The following HOGA1 variants were observed in gnomAD, a reference collection of about 807,000 sequenced individuals.
HOGA1 encodes 4-hydroxy-2-oxoglutarate aldolase 1, also known as 4-hydroxy-2-oxoglutarate aldolase, mitochondrial.
Under a neutral mutation model 34.3 loss-of-function variants are expected in HOGA1, and 30 were observed. The ratio of observed to expected loss-of-function variants is 0.87; its 90% confidence interval spans 0.65 to 1.19. The LOEUF is 1.19. Ranked by LOEUF, HOGA1 falls within the 50% of genes most tolerant of loss-of-function variation. The pLI is 0.00. For synonymous variants in HOGA1, 161 were observed against 174.0 expected, an observed-to-expected ratio of 0.93 and a Z score of 0.59; for missense variants, 417 against 436.5, an observed-to-expected ratio of 0.96 and a Z score of 0.40.
At chr10:97,606,472 G>C (rs2041159230) in intron 6 of HOGA1, among the ~76,000 whole-genome samples, 1 of 151,988 alleles carries the variant, frequency 6.6e-6, no homozygotes, top group Non-Finnish European at 1.5e-5. Flanking sequence ...TTCCCTAATG[G>C]ATATTCACTT....
In HOGA1 at chr10:97,598,872, C is replaced by T. The variant is rs772566254; in HGVS notation, c.309C>T (p.Asn103=). The change falls in exon 2 of 7, where the codon AAC becomes AAT. Residue 103 remains asparagine, a synonymous_variant. Coordinates refer to ENST00000370646, the MANE Select transcript of HOGA1 (RefSeq NM_138413.4). ...VSRVRQAMPK[N]RLLLAGSGCE... is the part of the protein sequence containing the mutation. The stretch of plus-strand genomic sequence containing the variant: ...GTGTGCGCCAGGCCATGCCCAAGAA[C>T]AGGCTCCTGCTAGCTGGCTCCGGAT... 42 of 1,614,054 alleles carry T rather than the reference C, an allele frequency of 2.6e-5. No homozygotes were observed. The highest frequency in any genetic ancestry group is 1.3e-4 in the Admixed American group (8 of 60,004).
intron 1 of HOGA1, chr10:97,590,289 C>T (rs1353941306): frequency 6.2e-7 from 1 of 1,613,724 alleles, no homozygotes; most frequent in Non-Finnish European, 8.5e-7. Context: ...GCTGCCTGCA[C>T]CAAGGAGATT....
chr10:97,585,565 T>G (rs2040963373), intron 1 of HOGA1, among the ~76,000 whole-genome samples: 1 of 152,200 alleles, frequency 6.6e-6, no homozygotes, highest in Non-Finnish European at 1.5e-5. Context: ...CATTCCTTAC[T>G]GCACAATCCC....
At chr10:97,591,616 T>A (rs1372739724) in intron 1 of HOGA1, among the ~76,000 whole-genome samples, 1 of 151,892 alleles carries the variant, frequency 6.6e-6, no homozygotes, top group African/African-American at 2.4e-5. Context: ...TCCCTTTTTT[T>A]CTTGTTTTTT....
At chr10:97,585,227 C>T (rs1156419757) in intron 1 of HOGA1, among the ~76,000 whole-genome samples, 1 of 152,188 alleles carries the variant, frequency 6.6e-6, no homozygotes, top group African/African-American at 2.4e-5. Context: ...AAGTCCTTGT[C>T]AACCTTGTCA....
chr10:97,607,823 A>G (rs1299789211), intron 6 of HOGA1, among the ~76,000 whole-genome samples: 1 of 152,184 alleles, frequency 6.6e-6, no homozygotes. Flanking sequence ...TTTCCCCCTA[A>G]GAACATTAAA....
intron 1 of HOGA1, among the ~76,000 whole-genome samples, chr10:97,591,817 T>TTGTG (rs56742680): frequency 0.13 from 14,231 of 110,854 alleles, 1,091 homozygotes; most frequent in South Asian, 0.19. Context: ...TTCTTTCATT[T>TTGTG]TGTGTGTGTG....
intron 1 of HOGA1, among the ~76,000 whole-genome samples, chr10:97,585,308 AGTTT>A (rs1380303900): frequency 2.0e-5 from 3 of 152,066 alleles, no homozygotes; most frequent in Non-Finnish European, 4.4e-5. Flanking sequence ...TTCCCTCCAA[AGTTT>A]GTTTGTACAT....
chr10:97,591,997 C>A (rs2041029254), intron 1 of HOGA1, among the ~76,000 whole-genome samples: 1 of 151,324 alleles, frequency 6.6e-6, no homozygotes, highest in Admixed American at 6.6e-5. Flanking sequence ...CACCACCATG[C>A]CTGGCAAATT....
At chr10:97,600,680 G>T (rs1291574042) in intron 5 of HOGA1, 1 of 183,616 alleles carries the variant, frequency 5.4e-6, no homozygotes, top group African/African-American at 2.4e-5. Context: ...TTGGGGTCAG[G>T]GTCCTTGGGT....
chr10:97,589,116 C>T (rs758992114), intron 1 of HOGA1, among the ~76,000 whole-genome samples: 12 of 152,108 alleles, frequency 7.9e-5, no homozygotes, highest in Non-Finnish European at 1.5e-4. Flanking sequence ...GATGAAGTCT[C>T]CTGTCCACTC....
chr10:97,604,198 T>C (rs1247498792), intron 6 of HOGA1, among the ~76,000 whole-genome samples: 3 of 152,214 alleles, frequency 2.0e-5, no homozygotes, highest in Admixed American at 6.5e-5. Flanking sequence ...CTTTTGGGGA[T>C]TGGCTTTTTT....
chr10:97,611,250 G>A (rs1302386598), intron 6 of HOGA1, among the ~76,000 whole-genome samples: 1 of 152,188 alleles, frequency 6.6e-6, no homozygotes, highest in Non-Finnish European at 1.5e-5. Flanking sequence ...TCTCCTCTCT[G>A]TTGGAGTGGA....
intron 1 of HOGA1, among the ~76,000 whole-genome samples, chr10:97,592,389 C>A (rs932716100): frequency 1.3e-5 from 2 of 151,612 alleles, no homozygotes; most frequent in Non-Finnish European, 2.9e-5. Context: ...TACAGGCGCC[C>A]GCCACCACGC....
chr10:97,602,703 T>C (rs1311814202), intron 6 of HOGA1: 7 of 653,314 alleles, frequency 1.1e-5, no homozygotes, highest in Non-Finnish European at 1.9e-6. Flanking sequence ...CTTTCTTTTT[T>C]TAGACAGAGT....
At chr10:97,589,427 G>GAT (rs1174189488) in intron 1 of HOGA1, among the ~76,000 whole-genome samples, 2 of 151,880 alleles carry the variant, frequency 1.3e-5, no homozygotes, top group East Asian at 3.9e-4. Flanking sequence ...GGGAGAGAGA[G>GAT]AAACCAAAGA....
chr10:97,598,652 C>T (rs891368260), intron 1 of HOGA1, 123 bp from the exon 2 acceptor site: 4 of 1,270,296 alleles, frequency 3.1e-6, no homozygotes, highest in South Asian at 1.2e-5. Flanking sequence ...TGTGTGGGAA[C>T]CTTCTGTCTG....
In HOGA1 at chr10:97,584,790, G is replaced by C. The variant is rs1453912951; in HGVS notation, c.87G>C (p.Glu29Asp). The change falls in exon 1 of 7, where the codon GAG becomes GAC. Residue 29 changes from glutamate (E) to aspartate (D), a missense_variant. By Grantham distance (45) the Glu-to-Asp change is conservative. Coordinates refer to ENST00000370646, the MANE Select transcript of HOGA1 (RefSeq NM_138413.4). ...SRNVGVWASG[E>D]GKKVDIAGIY... is the part of the protein sequence containing the mutation. ...ATGTGGGGGTCTGGGCCTCAGGGGA[G>C]GGGAAGAAGGTGGACATTGCGGGTA... The C allele has an allele frequency of 6.2e-7, 1 of 1,613,850 alleles. No homozygotes were observed. Among genetic ancestry groups the C allele is most frequent in the South Asian group, 1.1e-5 (1 of 91,044 alleles).
At chr10:97,590,251 C>CACTG in intron 1 of HOGA1, 2 of 1,613,896 alleles carry the variant, frequency 1.2e-6, no homozygotes, top group Non-Finnish European at 1.7e-6. Flanking sequence ...AAGCCCCATC[C>CACTG]ACTGATGAGG....
Sources: gnomAD v4.1 joint callset for allele counts (sites outside exome capture counted in the v4.1 genomes callset) on GRCh38, gnomAD v4.1.1 for gene constraint, MANE v1.5 for transcripts, NCBI Gene and HGNC (gene_info 2026-07-23, HGNC 2026-07-21) for gene names.